FGF14: variants seen among roughly 807,000 people sequenced by gnomAD.
FGF14 encodes fibroblast growth factor 14.
In FGF14, 5 loss-of-function variants were observed where a neutral mutation model predicts 25.5. The ratio of observed to expected loss-of-function variants is 0.20; its 90% CI spans 0.10 to 0.41. The LOEUF (loss-of-function observed/expected upper bound fraction) is 0.41, where lower values mean the gene tolerates loss of function less well. FGF14 is among the 10% of genes least tolerant of loss of function. The pLI is 1.00. For synonymous variants in FGF14, 138 were observed against 118.3 expected (o/e 1.17, Z -1.08); for missense variants, 222 against 320.1 (o/e 0.69, Z 2.34).
At chr13:102,234,709 T>C (rs1357058295) in intron 1 of FGF14, among the ~76,000 whole-genome samples, 3 of 152,210 alleles carry the variant, frequency 2.0e-5, no homozygotes, top group Non-Finnish European at 4.4e-5. Context: ...ACTTCATTAA[T>C]ATATATACAT....
exon 1 of FGF14, chr13:102,401,640 G>T: frequency 6.2e-7 from 1 of 1,614,100 alleles, no homozygotes; most frequent in Non-Finnish European, 8.5e-7. Context: ...ATAATAATTT[G>T]AAATCAGTTC....
At chr13:102,094,600 G>T (rs1005651904) in intron 1 of FGF14, among the ~76,000 whole-genome samples, 5 of 152,172 alleles carry the variant, frequency 3.3e-5, no homozygotes, top group African/African-American at 1.2e-4. Flanking sequence ...CTACTGTTTT[G>T]CACAAATGCA....
intron 3 of FGF14, among the ~76,000 whole-genome samples, chr13:101,781,284 A>G (rs750638136): frequency 8.5e-5 from 13 of 152,082 alleles, no homozygotes; most frequent in African/African-American, 2.4e-5. Context: ...CTGAATTTCT[A>G]TGTATTTTCA....
chr13:102,318,792 G>A (rs2056132145), intron 1 of FGF14, among the ~76,000 whole-genome samples: 3 of 152,124 alleles, frequency 2.0e-5, no homozygotes, highest in Admixed American at 6.5e-5. Flanking sequence ...ATAAATTTGA[G>A]GGGGGCACGT....
intron 1 of FGF14, among the ~76,000 whole-genome samples, chr13:102,125,639 A>G (rs1396130075): frequency 6.6e-6 from 1 of 152,184 alleles, no homozygotes; most frequent in Non-Finnish European, 1.5e-5. Context: ...GCAGGGCAGA[A>G]AAGCCATTTT....
chr13:102,103,517 A>G (rs950595680), intron 1 of FGF14, among the ~76,000 whole-genome samples: 1 of 151,948 alleles, frequency 6.6e-6, no homozygotes, highest in Non-Finnish European at 1.5e-5. Context: ...GTAAAATTAT[A>G]TTCCTATTCT....
intron 1 of FGF14, among the ~76,000 whole-genome samples, chr13:102,280,815 A>C (rs1284650612): frequency 1.3e-5 from 2 of 152,216 alleles, no homozygotes; most frequent in Admixed American, 1.3e-4. Context: ...TAGAGTGAAC[A>C]TGAGAACAGG....
chr13:102,326,397 T>C (rs1020065216), intron 1 of FGF14, among the ~76,000 whole-genome samples: 26 of 152,140 alleles, frequency 1.7e-4, no homozygotes, highest in African/African-American at 5.6e-4. Context: ...AAAAGAAGAA[T>C]ACTGACCTCT....
At chr13:101,837,240 G>A (rs1213776914) in intron 3 of FGF14, among the ~76,000 whole-genome samples, 1 of 151,728 alleles carries the variant, frequency 6.6e-6, no homozygotes, top group Non-Finnish European at 1.5e-5. Flanking sequence ...TGTTAGAATG[G>A]CTATCTACAT....
intron 3 of FGF14, among the ~76,000 whole-genome samples, chr13:101,863,354 G>T (rs2044524286): frequency 6.6e-6 from 1 of 152,140 alleles, no homozygotes; most frequent in African/African-American, 2.4e-5. Context: ...ATGCTGCCAA[G>T]GCCCTTGGTC....
At chr13:101,819,733 T>A (rs2984849) in intron 3 of FGF14, among the ~76,000 whole-genome samples, 87,867 of 152,030 alleles carry the variant, frequency 0.58, 25,842 homozygotes, top group Non-Finnish European at 0.63. Context: ...ATAATATGGA[T>A]TTTTAGAATA....
intron 3 of FGF14, among the ~76,000 whole-genome samples, chr13:101,771,873 T>A (rs535070739): frequency 1.7e-3 from 255 of 152,136 alleles, no homozygotes; most frequent in Non-Finnish European, 2.2e-3. Context: ...TTTGAGAGTT[T>A]AGACAAACTC....
intron 1 of FGF14, among the ~76,000 whole-genome samples, chr13:102,184,641 A>G (rs1452885047): frequency 2.0e-5 from 3 of 152,176 alleles, no homozygotes; most frequent in African/African-American, 7.2e-5. Flanking sequence ...TGCGAATTAA[A>G]TCAATGTGAT....
At position 101,903,159 on chromosome 13, in the gene FGF14, G is replaced by T. The variant is rs923576329; in HGVS notation, c.193+13294C>A. ...TTCAATATTATCTACCAGAACTTCA[G>T]ACTGAAGATCTGAAATTCCTGTGAG... is the stretch of plus-strand genomic sequence containing the variant. On this transcript the variant is annotated intron_variant, in intron 1 of 4. Coordinates refer to ENST00000376143, the MANE Select transcript of FGF14 (RefSeq NM_004115.4). Among the ~76,000 whole-genome samples, 3 of 152,232 alleles carry T rather than the reference G, an allele frequency of 2.0e-5. No homozygotes were observed. In the South Asian group the frequency reaches 6.2e-4, roughly 32 times the overall value.
At chr13:102,192,467 C>A (rs1025937708) in intron 1 of FGF14, among the ~76,000 whole-genome samples, 8 of 152,094 alleles carry the variant, frequency 5.3e-5, no homozygotes, top group African/African-American at 1.9e-4. Flanking sequence ...TATTTATTTG[C>A]AATAGAGATA....
intron 1 of FGF14, among the ~76,000 whole-genome samples, chr13:101,931,085 T>G (rs1306969635): frequency 6.6e-6 from 1 of 152,224 alleles, no homozygotes; most frequent in African/African-American, 2.4e-5. Flanking sequence ...CCTTCTTCCA[T>G]ATGATGGTCT....
chr13:101,822,992 T>C (rs576844546), intron 3 of FGF14, among the ~76,000 whole-genome samples: 1 of 152,254 alleles, frequency 6.6e-6, no homozygotes, highest in South Asian at 2.1e-4. Context: ...TTTGGGTTTC[T>C]GTGCAGGATT....
intron 1 of FGF14, among the ~76,000 whole-genome samples, chr13:102,073,362 A>G (rs1372988039): frequency 6.6e-6 from 1 of 152,202 alleles, no homozygotes; most frequent in Non-Finnish European, 1.5e-5. Context: ...GCCTATTCCA[A>G]CATGCAGCAG....
At chr13:102,089,809 T>C (rs1019016337) in intron 1 of FGF14, among the ~76,000 whole-genome samples, 2 of 152,236 alleles carry the variant, frequency 1.3e-5, no homozygotes, top group African/African-American at 4.8e-5. Context: ...TTATCAATCA[T>C]ATAATTTCTG....
Sources: allele counts gnomAD v4.1 joint callset (sites outside exome capture counted in the v4.1 genomes callset), GRCh38; gene constraint gnomAD v4.1.1; transcripts MANE v1.5; gene names NCBI Gene and HGNC (gene_info 2026-07-23, HGNC 2026-07-21).